Variants in TC2N observed in about 807,000 individuals in gnomAD.
The protein encoded by TC2N is tandem C2 domains, nuclear, also known as tandem C2 domains nuclear protein.
In TC2N, 51 loss-of-function variants were observed where a neutral mutation model predicts 61.9. The ratio of observed to expected loss-of-function variants is 0.82; its 90% CI spans 0.66 to 1.04. The LOEUF is 1.04. Among genes scored for constraint, TC2N ranks in the 50% least tolerant of loss-of-function variants. The probability of loss-of-function intolerance (pLI) is 0.00; values close to 1 mark genes in which losing one functional copy is unlikely to be tolerated. For missense variants in TC2N, 556 were observed against 566.7 expected (o/e 0.98, Z 0.19); for synonymous variants, 204 against 192.6 (o/e 1.06, Z -0.49).
At chr14:91,850,556 T>A (rs748223404) in intron 1 of TC2N, among the ~76,000 whole-genome samples, 1 of 152,220 alleles carries the variant, frequency 6.6e-6, no homozygotes, top group Non-Finnish European at 1.5e-5. Context: ...GTGAGATCAG[T>A]GGCAGCATTA....
chr14:91,847,828 G>A (rs75811850), intron 1 of TC2N, among the ~76,000 whole-genome samples: 3,581 of 152,340 alleles, frequency 0.024, 77 homozygotes, highest in East Asian at 0.13. Flanking sequence ...GTTAACCTAT[G>A]AGGAAATCCA....
chr14:91,785,340 A>G lies in TC2N; in HGVS notation c.1184T>C (p.Met395Thr), dbSNP rs1885313372. The change falls in exon 11 of 12, where the codon ATG becomes ACG. Residue 395 changes from methionine (M) to threonine (T), a missense_variant. Transcript: ENST00000435962. ...ATAAATCAACTCTCCCGAGCTAAAC[A>G]TTCCCACCTTCACGAAAAAACCTAA... ...LTLSFFVKVG[M>T]FSSGELIYKK... 2 of 1,612,142 alleles carry G rather than the reference A, an allele frequency of 1.2e-6. No homozygotes were observed. The highest frequency in any genetic ancestry group is 2.2e-5 in the East Asian group (1 of 44,816).
At chr14:91,854,620 G>T (rs1003339501) in intron 1 of TC2N, among the ~76,000 whole-genome samples, 1 of 152,066 alleles carries the variant, frequency 6.6e-6, no homozygotes, top group Non-Finnish European at 1.5e-5. Context: ...AAAGACTAAG[G>T]GTTGTCTTTG....
intron 1 of TC2N, chr14:91,866,137 T>C (rs1205072618): frequency 1.3e-5 from 2 of 152,190 alleles, no homozygotes; most frequent in African/African-American, 4.8e-5. Context: ...AGAGTTCCTT[T>C]GTCAAGTCTT....
intron 1 of TC2N, among the ~76,000 whole-genome samples, chr14:91,842,003 G>T (rs1285695869): frequency 1.4e-5 from 2 of 147,118 alleles, no homozygotes; most frequent in Non-Finnish European, 3.0e-5. Flanking sequence ...TTGAGACAGG[G>T]TCTGGAGTGC....
chr14:91,835,779 C>T (rs960227301), intron 1 of TC2N, among the ~76,000 whole-genome samples: 7 of 152,258 alleles, frequency 4.6e-5, no homozygotes, highest in Non-Finnish European at 8.8e-5. Context: ...TAAAAACCCT[C>T]TGCGAAGCTC....
chr14:91,860,312 G>A (rs1888564605), intron 1 of TC2N, among the ~76,000 whole-genome samples: 1 of 148,624 alleles, frequency 6.7e-6, no homozygotes, highest in Non-Finnish European at 1.5e-5. Context: ...GCTGGGGAAG[G>A]GGGGAAATCA....
rs899265378 is a variant in TC2N at position 91,837,551 on chromosome 14, G to A, written c.-56-23726C>T. Among the ~76,000 whole-genome samples, 2 of 152,148 alleles carry A rather than the reference G, an allele frequency of 1.3e-5. No homozygotes were observed. Among genetic ancestry groups the A allele is most frequent in the African/African-American group, 4.8e-5 (2 of 41,418 alleles). ...CGGTGCCAGCCTGGGTGGTGGGACTGTAAAATTGAAAGAAAGGTTCATACT... is the reference window on the plus strand; with the variant it reads ...CGGTGCCAGCCTGGGTGGTGGGACTATAAAATTGAAAGAAAGGTTCATACT... On this transcript the variant is annotated intron_variant, in intron 1 of 11. Transcript: ENST00000435962. This position sits in a 1 kb window ranked among gnomAD's most constrained non-coding sequence, Gnocchi z 4.2.
In TC2N at chr14:91,864,026, GTCAGAATTCAGTCC is replaced by G. The variant is rs546132285; in HGVS notation, c.-57+3222_-57+3235del. On this transcript the variant is annotated intron_variant, in intron 1 of 11. Coordinates refer to ENST00000435962, the MANE Select transcript of TC2N (RefSeq NM_001128596.3). ...AAAAAACCCAGAATAAAGAACAGAG[GTCAGAATTCAGTCC>G]TCAGAATTCAGTCCTCAGTTCTCCC... Among the ~76,000 whole-genome samples the G allele has an allele frequency of 8.6e-5, 13 of 152,028 alleles. No homozygotes were observed. In the East Asian group the frequency reaches 1.5e-3, roughly 18 times the overall value.
chr14:91,856,564 T>C lies in TC2N; in HGVS notation c.-57+10698A>G, dbSNP rs1888488538. On this transcript the variant is annotated intron_variant, in intron 1 of 11. Coordinates refer to ENST00000435962, the MANE Select transcript of TC2N (RefSeq NM_001128596.3). The stretch of plus-strand genomic sequence containing the variant: ...GAGGGAGAGCTGTGCCTGGGAGGCT[T>C]CATGTGGTATCACTAACAATTTCCT... Among the ~76,000 whole-genome samples the C allele has an allele frequency of 2.0e-5, 3 of 151,982 alleles. No homozygotes were observed. In the South Asian group the frequency reaches 6.3e-4, roughly 32 times the overall value.
intron 8 of TC2N, among the ~76,000 whole-genome samples, chr14:91,794,629 T>C (rs1885814338): frequency 6.6e-6 from 1 of 152,138 alleles, no homozygotes; most frequent in African/African-American, 2.4e-5. Context: ...ACTAAATATT[T>C]TAAGTCTACT....
chr14:91,786,764 C>A (rs1035322278), intron 10 of TC2N, among the ~76,000 whole-genome samples: 6 of 152,132 alleles, frequency 3.9e-5, no homozygotes, highest in Non-Finnish European at 8.8e-5. Context: ...CTTGATCTCA[C>A]CTTCTATAGA....
intron 1 of TC2N, among the ~76,000 whole-genome samples, chr14:91,815,217 G>A (rs1489770068): frequency 1.3e-5 from 2 of 151,430 alleles, no homozygotes; most frequent in Non-Finnish European, 3.0e-5. Context: ...CTAAATCTAT[G>A]TTCAAGCAAA....
At chr14:91,840,358 G>A (rs1435870493) in intron 1 of TC2N, among the ~76,000 whole-genome samples, 1 of 152,120 alleles carries the variant, frequency 6.6e-6, no homozygotes, top group Non-Finnish European at 1.5e-5. Context: ...TCATGCTGTA[G>A]GCATTCTATG....
At chr14:91,840,270 C>T (rs1231528661) in intron 1 of TC2N, among the ~76,000 whole-genome samples, 1 of 151,886 alleles carries the variant, frequency 6.6e-6, no homozygotes, top group Non-Finnish European at 1.5e-5. Flanking sequence ...TTTCTAACAC[C>T]TGGATTTACT....
chr14:91,814,440 G>C (rs1030247276), intron 1 of TC2N, among the ~76,000 whole-genome samples: 30 of 150,796 alleles, frequency 2.0e-4, no homozygotes, highest in Non-Finnish European at 3.6e-4. Flanking sequence ...CTGAGGCACA[G>C]AGAGAGAAAA....
At chr14:91,852,155 C>T (rs998219456) in intron 1 of TC2N, among the ~76,000 whole-genome samples, 5 of 152,204 alleles carry the variant, frequency 3.3e-5, no homozygotes, top group African/African-American at 9.7e-5. Context: ...CGGCCAAGCG[C>T]GGTGGCTCAC....
intron 1 of TC2N, among the ~76,000 whole-genome samples, chr14:91,863,821 C>T (rs1409645441): frequency 2.4e-5 from 3 of 125,484 alleles, no homozygotes; most frequent in Admixed American, 8.7e-5. Flanking sequence ...CCCCAGACTC[C>T]ATCTCTACAA....
intron 1 of TC2N, among the ~76,000 whole-genome samples, chr14:91,823,520 C>CAAAAAAAA (rs1179827262): frequency 6.0e-5 from 1 of 16,560 alleles, no homozygotes; most frequent in South Asian, 4.2e-3. Flanking sequence ...AATTCCATCT[C>CAAAAAAAA]AAAAAAAAAA....
Sources: gnomAD v4.1 joint callset for allele counts (sites outside exome capture counted in the v4.1 genomes callset) on GRCh38, gnomAD v4.1.1 for gene constraint, Gnocchi (gnomAD v3.1) non-coding constraint, MANE v1.5 for transcripts, NCBI Gene and HGNC (gene_info 2026-07-23, HGNC 2026-07-21) for gene names.